The following FAT3 variants were observed in gnomAD, a reference collection of about 807,000 sequenced individuals.
FAT3 encodes the protein FAT atypical cadherin 3, also known as protocadherin Fat 3.
Under a neutral mutation model 310.2 loss-of-function variants are expected in FAT3, and 95 were observed. The ratio of observed to expected loss-of-function variants is 0.31; its 90% CI spans 0.26 to 0.36. FAT3 has a LOEUF of 0.36. Ranked by LOEUF, FAT3 falls within the 10% of genes least tolerant of loss-of-function variation. The probability of loss-of-function intolerance (pLI) is 1.00; values close to 1 mark genes in which losing one functional copy is unlikely to be tolerated. For missense variants in FAT3, 5,408 were observed against 5,715.6 expected, an observed-to-expected ratio of 0.95 and a Z score of 1.74; for synonymous variants, 2,314 against 2,192.9, an observed-to-expected ratio of 1.06 and a Z score of -1.54.
chr11:92,584,572 G>A (rs1939033100), intron 3 of FAT3, among the ~76,000 whole-genome samples: 2 of 151,908 alleles, frequency 1.3e-5, no homozygotes, highest in Admixed American at 6.6e-5. Context: ...TCACTTTGTG[G>A]CCATATTAGT....
At chr11:92,294,245 A>G (rs933499334) in intron 1 of FAT3, among the ~76,000 whole-genome samples, 5 of 152,160 alleles carry the variant, frequency 3.3e-5, no homozygotes, top group Admixed American at 1.3e-4. Flanking sequence ...TTAAAAGGAC[A>G]CTAATCCTAT....
chr11:92,711,499 T>C lies in FAT3; in HGVS notation c.3669+14054T>C, dbSNP rs1314192848. Among the ~76,000 whole-genome samples the C allele has an allele frequency of 2.6e-5, 4 of 152,290 alleles. No individual in the cohort carries two copies. In the East Asian group the frequency reaches 7.7e-4, roughly 29 times the overall value. On this transcript the variant is annotated intron_variant, in intron 4 of 27. Coordinates refer to ENST00000525166, the MANE Select transcript of FAT3 (RefSeq NM_001367949.2). ...CAAGCCATTTACTAGCCTTCACTTCTGCCTGTGGATCAGCTAAAGGAAAGA... is the reference window on the plus strand; with the variant it reads ...CAAGCCATTTACTAGCCTTCACTTCCGCCTGTGGATCAGCTAAAGGAAAGA...
intron 2 of FAT3, among the ~76,000 whole-genome samples, chr11:92,484,103 A>AT (rs1372837068): frequency 5.9e-5 from 9 of 152,250 alleles, no homozygotes; most frequent in Middle Eastern, 3.4e-3. Context: ...ATCTGCATGA[A>AT]TTTTCTAATC....
chr11:92,665,762 G>C (rs1942929131), intron 3 of FAT3, among the ~76,000 whole-genome samples: 1 of 152,240 alleles, frequency 6.6e-6, no homozygotes, highest in African/African-American at 2.4e-5. Context: ...GATACTTCAA[G>C]AACTTTTATG....
At chr11:92,368,861 T>C (rs1378230274) in intron 2 of FAT3, among the ~76,000 whole-genome samples, 1 of 132,548 alleles carries the variant, frequency 7.5e-6, no homozygotes, top group Non-Finnish European at 1.7e-5. Context: ...CACATACACA[T>C]ATATATATAC....
rs542918220 is a variant in FAT3 at position 92,799,767 on chromosome 11, T to C, written c.6754T>C (p.Ser2252Pro). Residue 2252 changes from serine to proline, a missense_variant, in exon 10 of 28, where the codon TCT (serine) becomes CCT (proline). This residue lies in a region of FAT3 where 4,588 missense variants were observed against 4,809.8 expected (regional missense o/e 0.95). Coordinates refer to ENST00000525166, the MANE Select transcript of FAT3 (RefSeq NM_001367949.2). Reference sequence around the variant, plus strand: ...TAGCCCTTTGGATTATGAAGTTACATCTGCTTACAAGCTGACAATAAGAGC... The same window carrying C: ...TAGCCCTTTGGATTATGAAGTTACACCTGCTTACAAGCTGACAATAAGAGC... ...VVSPLDYEVT[S>P]AYKLTIRASD... 1 of 1,612,830 alleles carries C rather than the reference T, an allele frequency of 6.2e-7. No individual in the cohort carries two copies. The highest frequency in any genetic ancestry group is 1.3e-5 in the African/African-American group (1 of 75,036).
chr11:92,885,041 T>C (rs543083273), intron 24 of FAT3, among the ~76,000 whole-genome samples: 8 of 152,142 alleles, frequency 5.3e-5, no homozygotes, highest in African/African-American at 1.9e-4. Context: ...GTCAGTAAGG[T>C]CATCAGTGTT....
At chr11:92,600,288 C>G (rs1939951382) in intron 3 of FAT3, among the ~76,000 whole-genome samples, 1 of 152,306 alleles carries the variant, frequency 6.6e-6, no homozygotes, top group East Asian at 1.9e-4. Context: ...CCCAGTCAGC[C>G]TTTCCTCTGA....
At chr11:92,240,931 C>A (rs369076406) in intron 1 of FAT3, among the ~76,000 whole-genome samples, 5 of 151,964 alleles carry the variant, frequency 3.3e-5, no homozygotes, top group African/African-American at 1.2e-4. Flanking sequence ...TAGAATCCCC[C>A]CCATGCCCCC....
chr11:92,338,003 CACA>C (rs1368640783), intron 1 of FAT3, among the ~76,000 whole-genome samples: 1 of 151,970 alleles, frequency 6.6e-6, no homozygotes, highest in African/African-American at 2.4e-5. Flanking sequence ...GCATGTTAAA[CACA>C]ACAATAGAAA....
intron 3 of FAT3, among the ~76,000 whole-genome samples, chr11:92,525,341 C>A (rs1953823188): frequency 6.6e-6 from 1 of 152,284 alleles, no homozygotes; most frequent in South Asian, 2.1e-4. Context: ...CCTTGCTGAT[C>A]TCCTTAAAGC....
chr11:92,473,049 A>C (rs1951951420), intron 2 of FAT3, among the ~76,000 whole-genome samples: 1 of 152,310 alleles, frequency 6.6e-6, no homozygotes, highest in South Asian at 2.1e-4. Context: ...GCTTAAATGT[A>C]AACTTCTGGG....
chr11:92,321,698 C>A (rs1947624426), intron 1 of FAT3, among the ~76,000 whole-genome samples: 3 of 152,132 alleles, frequency 2.0e-5, no homozygotes, highest in African/African-American at 7.2e-5. Flanking sequence ...CAGTTAAATC[C>A]TGACTTTGTG....
intron 3 of FAT3, among the ~76,000 whole-genome samples, chr11:92,528,417 C>T (rs988369782): frequency 2.0e-5 from 3 of 152,160 alleles, no homozygotes; most frequent in Admixed American, 6.6e-5. Context: ...CCTTCCAGTT[C>T]GCTCAGTCGC....
intron 3 of FAT3, among the ~76,000 whole-genome samples, chr11:92,570,011 A>C (rs1344128108): frequency 6.6e-6 from 1 of 152,164 alleles, no homozygotes; most frequent in Non-Finnish European, 1.5e-5. Context: ...CTCTGACAGC[A>C]GGGTCTCTGA....
chr11:92,805,512 AC>A (rs1326055880), intron 11 of FAT3, among the ~76,000 whole-genome samples, 163 bp downstream of exon 11: 1 of 152,102 alleles, frequency 6.6e-6, no homozygotes, highest in African/African-American at 2.4e-5. Context: ...AATATTGAAA[AC>A]ATGAAAAGAG....
At position 92,341,203 on chromosome 11, in the gene FAT3, G is replaced by A. The variant is rs116945353; in HGVS notation, c.-17-10893G>A. 5.6e-4 allele frequency among the ~76,000 whole-genome samples: 86 copies of A among 152,282 alleles called. 1 individual carries two copies. Among genetic ancestry groups the A allele is most frequent in the Admixed American group, 4.3e-3 (66 of 15,292 alleles). ...CTACAAAAATGTCTACAGATGTCCC[G>A]TCCCTGTAAGAAAATATGTTTTCTT... On this transcript the variant is annotated intron_variant, in intron 1 of 27. Coordinates refer to ENST00000525166, the MANE Select transcript of FAT3 (RefSeq NM_001367949.2).
intron 1 of FAT3, among the ~76,000 whole-genome samples, chr11:92,293,543 TATATATATAAATAA>T (rs1375158729): frequency 9.5e-5 from 3 of 31,448 alleles, no homozygotes; most frequent in African/African-American, 2.0e-4. Context: ...TATATATATA[TATATATATAAATAA>T]AATATATTCC....
At chr11:92,520,756 T>C (rs2135347082) in intron 2 of FAT3, among the ~76,000 whole-genome samples, 1 of 152,246 alleles carries the variant, frequency 6.6e-6, no homozygotes, top group East Asian at 1.9e-4. Flanking sequence ...TTAACACATT[T>C]CAGACTCAGT....
Sources: allele counts gnomAD v4.1 joint callset (sites outside exome capture counted in the v4.1 genomes callset), GRCh38; gene constraint gnomAD v4.1.1; regional missense constraint gnomAD v4.1.1; transcripts MANE v1.5; gene names NCBI Gene and HGNC (gene_info 2026-07-23, HGNC 2026-07-21).